The following TTF2 variants were observed in gnomAD, a reference collection of about 807,000 sequenced individuals.
The protein encoded by TTF2 is RNA polymerase II termination factor.
Under a neutral mutation model 142.4 loss-of-function variants are expected in TTF2, and 108 were observed. That is an observed-to-expected ratio of 0.76 (90% CI 0.65 to 0.89). The LOEUF (loss-of-function observed/expected upper bound fraction) is 0.89, where lower values mean the gene tolerates loss of function less well. Ranked by LOEUF, TTF2 falls within the 40% of genes least tolerant of loss-of-function variation. The probability of loss-of-function intolerance (pLI) is 0.00; values close to 1 mark genes in which losing one functional copy is unlikely to be tolerated. For missense variants in TTF2, 1,327 were observed against 1,379.8 expected (o/e 0.96, Z 0.61); for synonymous variants, 483 against 506.2 (o/e 0.95, Z 0.61).
At position 117,086,474 on chromosome 1, in the gene TTF2, C is replaced by T. The variant is rs34703179; in HGVS notation, c.2112C>T (p.Pro704=). ...TTYSLVAKEI[P]TNKQEAEIPG... The stretch of plus-strand genomic sequence containing the variant: ...ATAGCCTCGTGGCCAAGGAGATTCC[C>T]ACAAACAAGCAAGAGGCAGAGATCC... Residue 704 remains proline, a synonymous_variant, in exon 12 of 23, where the codon CCC becomes CCT. Coordinates refer to ENST00000369466, the MANE Select transcript of TTF2 (RefSeq NM_003594.4). This position sits in a 1 kb window ranked among gnomAD's most constrained non-coding sequence, Gnocchi z 4.2. 1,565 of 1,614,072 alleles carry T rather than the reference C, an allele frequency of 9.7e-4. 10 individuals carry two copies. In the African/African-American group the frequency reaches 0.015, roughly 16 times the overall value.
In TTF2 at chr1:117,094,681, C is replaced by T. The variant is rs745793684; in HGVS notation, c.2977-628C>T. 26 of 483,980 alleles carry T rather than the reference C, an allele frequency of 5.4e-5. 1 individual carries two copies. Among genetic ancestry groups the T allele is most frequent in the South Asian group, 2.0e-4 (13 of 65,510 alleles). 30.0% of individuals were successfully genotyped at this position (483,980 alleles called of 1,614,324 possible). ...CTTCTCTGTTTTGGCCATGTGTGTACTCACAGCCCCTCACACATGGCCGAA... is the reference window on the plus strand; with the variant it reads ...CTTCTCTGTTTTGGCCATGTGTGTATTCACAGCCCCTCACACATGGCCGAA... On this transcript the variant is annotated intron_variant, in intron 18 of 22. Coordinates refer to ENST00000369466, the MANE Select transcript of TTF2 (RefSeq NM_003594.4).
At position 117,070,534 on chromosome 1, in the gene TTF2, C is replaced by T. The variant is rs1656494315; in HGVS notation, c.219-3127C>T. On this transcript the variant is annotated intron_variant, in intron 3 of 22. Coordinates refer to ENST00000369466, the MANE Select transcript of TTF2 (RefSeq NM_003594.4). This position sits in a 1 kb window ranked among gnomAD's most constrained non-coding sequence, Gnocchi z 4.2. ...CATCATCATGCAGCACGGGACTGTA[C>T]TTATGAAATATTCTTTCAGTAAAGA... Among the ~76,000 whole-genome samples, 2 of 152,166 alleles carry T rather than the reference C, an allele frequency of 1.3e-5. No homozygotes were observed. Among genetic ancestry groups the T allele is most frequent in the South Asian group, 4.1e-4 (2 of 4,834 alleles).
At chr1:117,078,217 C>G (rs1234241342) in intron 8 of TTF2, among the ~76,000 whole-genome samples, 174 bp downstream of exon 8, 1 of 152,202 alleles carries the variant, frequency 6.6e-6, no homozygotes, top group African/African-American at 2.4e-5. Context: ...AACAACAAAA[C>G]CCCTTTTTTA....
At position 117,076,201 on chromosome 1, in the gene TTF2, A is replaced by T. The variant is rs1312758907; in HGVS notation, c.1297A>T (p.Ile433Phe). 5 of 1,613,994 alleles carry T rather than the reference A, an allele frequency of 3.1e-6. 1 individual carries two copies. The Admixed American group carries it at 6.7e-5, about 22-fold the overall frequency. The change falls in exon 6 of 23, where the codon ATC (isoleucine) becomes TTC (phenylalanine). Residue 433 changes from isoleucine (I) to phenylalanine (F), a missense_variant. By Grantham distance (21) the Ile-to-Phe change is conservative. Coordinates refer to ENST00000369466, the MANE Select transcript of TTF2 (RefSeq NM_003594.4). The surrounding 1 kb of genome is among the most constrained non-coding windows in gnomAD (Gnocchi z 4.6). ...TCAGAGCACACTGGCATCAGTGAAC[A>T]TCCAGGCTCTTCCAGACAAGGGTCA... ...QKKSTLASVN[I>F]QALPDKGQKL... is the part of the protein sequence containing the mutation.
In TTF2 at chr1:117,075,903, T is replaced by C. The variant is rs776301952; in HGVS notation, c.1275+44T>C. 3 of 1,556,754 alleles carry C rather than the reference T, an allele frequency of 1.9e-6. No individual in the cohort carries two copies. In the Admixed American group the frequency reaches 5.8e-5, roughly 30 times the overall value. On this transcript the variant is annotated intron_variant, in intron 5 of 22. Coordinates refer to ENST00000369466, the MANE Select transcript of TTF2 (RefSeq NM_003594.4). The surrounding 1 kb of genome is among the most constrained non-coding windows in gnomAD (Gnocchi z 4.5). ...TTTGTTTCTGAGGTCAGAGCATTGC[T>C]TGTTATGGGCAGATATGAGATCTCA...
Position 117,076,109 on chromosome 1 carries a change from C to T in TTF2, c.1276-71C>T. 6.9e-7 allele frequency: 1 copy of T among 1,442,772 alleles called. No individual in the cohort carries two copies. Among genetic ancestry groups the T allele is most frequent in the South Asian group, 1.2e-5 (1 of 80,662 alleles). 89.4% of individuals were successfully genotyped at this position (1,442,772 alleles called of 1,614,324 possible). A position where few individuals can be genotyped will look rare whatever the true frequency, so the allele number is the denominator to read the frequency against. On this transcript the variant is annotated intron_variant, in intron 5 of 22. Transcript: ENST00000369466. This position sits in a 1 kb window ranked among gnomAD's most constrained non-coding sequence, Gnocchi z 4.6. ...AATTTCAGAGTTTGGGTGTTTCAGG[C>T]TATTTTAATCTGAAACTATTCATCT... is the stretch of plus-strand genomic sequence containing the variant.
At chr1:117,082,053 C>T in intron 10 of TTF2, 106 bp downstream of exon 10, 2 of 1,524,864 alleles carry the variant, frequency 1.3e-6, no homozygotes, top group South Asian at 2.3e-5. Context: ...TATTTAATTA[C>T]TCTACTGGAA....
chr1:117,077,774 G>A (rs901235927), intron 7 of TTF2, 142 bp from the exon 8 acceptor site: 3 of 1,171,494 alleles, frequency 2.6e-6, no homozygotes, highest in Non-Finnish European at 3.6e-6. Flanking sequence ...ACTGAGAACT[G>A]CTAGAGACAT....
In TTF2 at chr1:117,099,291, T is replaced by C. The variant is rs993076559; in HGVS notation, c.3344+384T>C. 6.6e-6 allele frequency among the ~76,000 whole-genome samples: 1 copy of C among 152,206 alleles called. No individual in the cohort carries two copies. The highest frequency in any genetic ancestry group is 1.5e-5 in the Non-Finnish European group (1 of 68,038). On this transcript the variant is annotated intron_variant, in intron 22 of 22. Coordinates refer to ENST00000369466, the MANE Select transcript of TTF2 (RefSeq NM_003594.4). This position sits in a 1 kb window ranked among gnomAD's most constrained non-coding sequence, Gnocchi z 4.3. ...GGTAGAAACATTTTTCTGGACCACT[T>C]GAGAACAAGTTGTAGACCTGATGCT...
In TTF2 at chr1:117,060,485, G is replaced by A. The variant is rs1035188167; in HGVS notation, c.59G>A (p.Arg20His). 1 of 1,613,856 alleles carries A rather than the reference G, an allele frequency of 6.2e-7. No individual in the cohort carries two copies. The highest frequency in any genetic ancestry group is 1.3e-5 in the African/African-American group (1 of 74,944). ...GTFCFLKTGV[R>H]DGPNKGKSFY... Reference sequence around the variant, plus strand: ...TTCTGCTTTCTTAAGACCGGCGTCCGCGATGGCCCGAATAAAGGAAAGAGC... The same window carrying A: ...TTCTGCTTTCTTAAGACCGGCGTCCACGATGGCCCGAATAAAGGAAAGAGC... The change falls in exon 2 of 23, where the codon CGC becomes CAC. Residue 20 changes from arginine to histidine, a missense_variant. Physicochemically the swap from Arg to His is conservative, Grantham distance 29. Transcript: ENST00000369466.
chr1:117,089,522 C>G (rs934599380), intron 13 of TTF2, among the ~76,000 whole-genome samples: 5 of 151,718 alleles, frequency 3.3e-5, no homozygotes, highest in Non-Finnish European at 5.9e-5. Flanking sequence ...GACCCCACCT[C>G]TACAAAAAAT....
At chr1:117,064,739 G>A (rs997242763) in intron 3 of TTF2, among the ~76,000 whole-genome samples, 23 of 150,590 alleles carry the variant, frequency 1.5e-4, no homozygotes, top group African/African-American at 4.4e-4. Flanking sequence ...GGCTGGTCCC[G>A]AACTCCTGAG....
Position 117,106,362 on chromosome 1 carries a change from G to C in TTF2, c.*4838G>C, listed in dbSNP as rs1410833881. The C allele has an allele frequency of 6.6e-6, 1 of 151,988 alleles. No homozygotes were observed. The highest frequency in any genetic ancestry group is 1.5e-5 in the Non-Finnish European group (1 of 67,992). The allele number at this position is 151,988 out of a possible 1,614,324, so 9.4% of individuals were successfully genotyped here. On this transcript the variant is annotated 3_prime_UTR_variant, in exon 23 of 23. Coordinates refer to ENST00000369466, the MANE Select transcript of TTF2 (RefSeq NM_003594.4). ...CTACACAATGTTTTTACTATCTTGA[G>C]TTCTTTTTACCCAGATTCCATAGCT...
At position 117,064,109 on chromosome 1, in the gene TTF2, C is replaced by A. The variant is rs1283522177; in HGVS notation, c.218+1636C>A. Among the ~76,000 whole-genome samples, 5 of 152,142 alleles carry A rather than the reference C, an allele frequency of 3.3e-5. 1 individual carries two copies. In the South Asian group the frequency reaches 6.2e-4, roughly 19 times the overall value. On this transcript the variant is annotated intron_variant, in intron 3 of 22. Coordinates refer to ENST00000369466, the MANE Select transcript of TTF2 (RefSeq NM_003594.4). Reference sequence around the variant, plus strand: ...ACATAAGTGGAATCATAAAGTATAACTTTGGAGATCTTTGCCTGTTTTAAA... The same window carrying A: ...ACATAAGTGGAATCATAAAGTATAAATTTGGAGATCTTTGCCTGTTTTAAA...
rs1343800345 is a variant in TTF2, at chr1:117,107,108, A to G, written c.*5584A>G. On this transcript the variant is annotated 3_prime_UTR_variant, in exon 23 of 23. Coordinates refer to ENST00000369466, the MANE Select transcript of TTF2 (RefSeq NM_003594.4). ...TGAAGCACTTTGTTACACTGGGGACAGCTCCTAAATCCTCCCACTCTTTTT... is the reference window on the plus strand; with the variant it reads ...TGAAGCACTTTGTTACACTGGGGACGGCTCCTAAATCCTCCCACTCTTTTT... 2 of 152,186 alleles carry G rather than the reference A, an allele frequency of 1.3e-5. No individual in the cohort carries two copies. The highest frequency in any genetic ancestry group is 4.8e-5 in the African/African-American group (2 of 41,434). 9.4% of individuals were successfully genotyped at this position (152,186 alleles called of 1,614,324 possible).
chr1:117,073,651 A>G lies in TTF2; in HGVS notation c.219-10A>G. ...ATAGCCTTGATTATTTGTGTTTTAT[A>G]CTTCATTAGATTGTTCTTCCGATGC... On this transcript the variant is annotated splice_polypyrimidine_tract_variant and intron_variant, in intron 3 of 22. Transcript: ENST00000369466. This position sits in a 1 kb window ranked among gnomAD's most constrained non-coding sequence, Gnocchi z 4.4. 1 of 1,601,172 alleles carries G rather than the reference A, an allele frequency of 6.2e-7. No individual in the cohort carries two copies. Among genetic ancestry groups the G allele is most frequent in the Non-Finnish European group, 8.5e-7 (1 of 1,170,570 alleles).
chr1:117,098,940 C>A, intron 22 of TTF2, 33 bp downstream of exon 22: 1 of 1,573,618 alleles, frequency 6.4e-7, no homozygotes, highest in Non-Finnish European at 8.7e-7. Flanking sequence ...CAGGACCCTT[C>A]TCAACTTGTA....
chr1:117,074,873 C>T lies in TTF2; in HGVS notation c.289C>T (p.Pro97Ser), dbSNP rs1384245458. ...AGATTAATTATTTTGTCTTTAGGAT[C>T]CTGATTCCAAAGAACATTCTGTATC... ...RWCGSIPWQDPDSKEHSVSNK... is the reference protein window; with the variant it reads ...RWCGSIPWQDSDSKEHSVSNK... The change falls in exon 5 of 23, where the codon CCT becomes TCT. Residue 97 changes from proline (P) to serine (S), a missense_variant. Transcript: ENST00000369466. The T allele has an allele frequency of 6.4e-7, 1 of 1,563,224 alleles. No individual in the cohort carries two copies. The highest frequency in any genetic ancestry group is 1.2e-5 in the South Asian group (1 of 82,348).
In TTF2 at chr1:117,082,080, C is replaced by T. The variant is rs1443622193; in HGVS notation, c.1903+133C>T. 3 of 1,278,446 alleles carry T rather than the reference C, an allele frequency of 2.3e-6. No individual in the cohort carries two copies. The African/African-American group carries it at 4.4e-5, about 19-fold the overall frequency. The allele number at this position is 1,278,446 out of a possible 1,614,324, so 79.2% of individuals were successfully genotyped here. On this transcript the variant is annotated intron_variant, in intron 10 of 22. Coordinates refer to ENST00000369466, the MANE Select transcript of TTF2 (RefSeq NM_003594.4). The stretch of plus-strand genomic sequence containing the variant: ...CTACTGGAAAACCAGTATTAGATTA[C>T]TCACCTATCATATCATTTCTGATGC...
Sources: gnomAD v4.1 joint callset for allele counts (sites outside exome capture counted in the v4.1 genomes callset) on GRCh38, gnomAD v4.1.1 for gene constraint, Gnocchi (gnomAD v3.1) non-coding constraint, MANE v1.5 for transcripts, NCBI Gene and HGNC (gene_info 2026-07-23, HGNC 2026-07-21) for gene names.